WWTR1: variants seen among roughly 807,000 people sequenced by gnomAD.
WWTR1 encodes the protein WW domain containing transcription regulator 1, also known as WW domain-containing transcription regulator protein 1.
A neutral mutation model predicts 40.1 loss-of-function variants in WWTR1; 13 were observed. The observed-to-expected ratio is 0.32, with a 90% confidence interval of 0.21 to 0.52. The LOEUF is 0.52. WWTR1 is among the 20% of genes least tolerant of loss of function. The pLI, the probability that WWTR1 is intolerant of heterozygous loss-of-function variation, is 0.97. For missense variants in WWTR1, 436 were observed against 523.1 expected, an observed-to-expected ratio of 0.83 and a Z score of 1.63; for synonymous variants, 230 against 210.1, an observed-to-expected ratio of 1.09 and a Z score of -0.82.
At chr3:149,645,101 A>T (rs548232993) in intron 2 of WWTR1, among the ~76,000 whole-genome samples, 128 of 147,062 alleles carry the variant, frequency 8.7e-4, no homozygotes, top group African/African-American at 3.0e-3. Context: ...TTTTTTTGAG[A>T]CGGAGTCTCG....
chr3:149,586,178 A>G (rs757875987), intron 2 of WWTR1, among the ~76,000 whole-genome samples: 13 of 152,352 alleles, frequency 8.5e-5, no homozygotes, highest in Non-Finnish European at 1.5e-4. Context: ...TTGTGCGTAT[A>G]TAACTTTTTG....
intron 2 of WWTR1, among the ~76,000 whole-genome samples, chr3:149,633,876 A>G (rs1188930598): frequency 6.6e-6 from 1 of 152,120 alleles, no homozygotes; most frequent in Non-Finnish European, 1.5e-5. Context: ...CAGATTCTAG[A>G]GGTTTAGGAA....
chr3:149,617,644 A>T (rs539840178), intron 2 of WWTR1, among the ~76,000 whole-genome samples: 2 of 152,286 alleles, frequency 1.3e-5, no homozygotes, highest in East Asian at 1.9e-4. Context: ...CACTAAAAAT[A>T]TGAAAATTAG....
chr3:149,695,737 G>T (rs2108217797), intron 1 of WWTR1, among the ~76,000 whole-genome samples: 1 of 147,336 alleles, frequency 6.8e-6, no homozygotes, highest in Non-Finnish European at 1.5e-5. Context: ...CTCCAGCCTG[G>T]GCGACAGAGC....
At chr3:149,529,411 A>AT (rs939398329) in intron 4 of WWTR1, among the ~76,000 whole-genome samples, 64 of 152,212 alleles carry the variant, frequency 4.2e-4, no homozygotes, top group African/African-American at 1.3e-3. Flanking sequence ...GACCTGATTG[A>AT]TTTAAAAAAA....
At chr3:149,537,408 A>G (rs1488717191) in intron 4 of WWTR1, among the ~76,000 whole-genome samples, 1 of 152,236 alleles carries the variant, frequency 6.6e-6, no homozygotes, top group Non-Finnish European at 1.5e-5. Context: ...ACACATTGAT[A>G]CACATGATAC....
At chr3:149,645,111 G>A (rs914421932) in intron 2 of WWTR1, among the ~76,000 whole-genome samples, 19 of 144,528 alleles carry the variant, frequency 1.3e-4, no homozygotes, top group South Asian at 9.1e-4. Flanking sequence ...ACGGAGTCTC[G>A]ATCTGTCGCC....
chr3:149,641,724 G>T (rs1453167819), intron 2 of WWTR1, among the ~76,000 whole-genome samples: 4 of 152,180 alleles, frequency 2.6e-5, no homozygotes, highest in Admixed American at 2.6e-4. Flanking sequence ...TGTCCATAAT[G>T]ACCCTACATT....
chr3:149,622,167 G>A (rs1740309885), intron 2 of WWTR1, among the ~76,000 whole-genome samples: 1 of 152,006 alleles, frequency 6.6e-6, no homozygotes, highest in Non-Finnish European at 1.5e-5. Flanking sequence ...TTTTAACCCA[G>A]ACTTATGAGT....
At chr3:149,593,005 C>T (rs985509373) in intron 2 of WWTR1, among the ~76,000 whole-genome samples, 1 of 152,184 alleles carries the variant, frequency 6.6e-6, no homozygotes, top group Non-Finnish European at 1.5e-5. Context: ...AAAAAAACTC[C>T]AGGCACACCG....
chr3:149,626,827 G>A (rs1024537881), intron 2 of WWTR1, among the ~76,000 whole-genome samples: 26 of 152,068 alleles, frequency 1.7e-4, no homozygotes, highest in Non-Finnish European at 8.8e-5. Flanking sequence ...GGCACACAGC[G>A]CACAGGTTGT....
intron 1 of WWTR1, among the ~76,000 whole-genome samples, chr3:149,678,009 G>C (rs1447600166): frequency 6.6e-6 from 1 of 151,606 alleles, no homozygotes; most frequent in Non-Finnish European, 1.5e-5. Context: ...GATCTCAGCT[G>C]ATCCACCTGT....
chr3:149,681,070 C>T (rs1316113469), intron 1 of WWTR1, among the ~76,000 whole-genome samples: 1 of 152,168 alleles, frequency 6.6e-6, no homozygotes, highest in Non-Finnish European at 1.5e-5. Flanking sequence ...AGTAGAATTG[C>T]TGGGTCAAAA....
chr3:149,542,654 A>G (rs1455348971), intron 3 of WWTR1, 117 bp from the exon 4 acceptor site: 3 of 1,101,552 alleles, frequency 2.7e-6, no homozygotes, highest in Non-Finnish European at 3.8e-6. Flanking sequence ...CTTCCAAAGT[A>G]CTTTCCTGTT....
At chr3:149,617,126 C>A (rs558883798) in intron 2 of WWTR1, among the ~76,000 whole-genome samples, 1 of 152,196 alleles carries the variant, frequency 6.6e-6, no homozygotes, top group African/African-American at 2.4e-5. Flanking sequence ...TTTTACCTCC[C>A]GCTTTGGAAC....
chr3:149,593,435 G>A (rs1738832537), intron 2 of WWTR1, among the ~76,000 whole-genome samples: 1 of 150,436 alleles, frequency 6.6e-6, no homozygotes, highest in Admixed American at 6.6e-5. Context: ...TTGCCCCAAA[G>A]CCAGGAGATT....
intron 2 of WWTR1, among the ~76,000 whole-genome samples, chr3:149,634,153 A>G (rs779495992): frequency 2.6e-4 from 39 of 152,220 alleles, no homozygotes; most frequent in Middle Eastern, 3.2e-3. Context: ...GACCGGTGAG[A>G]GGGAAAAGGA....
intron 1 of WWTR1, among the ~76,000 whole-genome samples, chr3:149,692,884 C>T (rs2108214952): frequency 6.6e-6 from 1 of 152,238 alleles, no homozygotes; most frequent in East Asian, 1.9e-4. Context: ...ATCCACCCAC[C>T]TAGTCCTCCC....
chr3:149,617,685 AGCTACTTG>A (rs1740051684), intron 2 of WWTR1, among the ~76,000 whole-genome samples: 1 of 152,208 alleles, frequency 6.6e-6, no homozygotes, highest in Non-Finnish European at 1.5e-5. Context: ...CTGTAGTCCC[AGCTACTTG>A]GGAGGCTGAG....
Sources: allele counts gnomAD v4.1 joint callset (sites outside exome capture counted in the v4.1 genomes callset), GRCh38; gene constraint gnomAD v4.1.1; transcripts MANE v1.5; gene names NCBI Gene and HGNC (gene_info 2026-07-23, HGNC 2026-07-21).